Variants in EFHC2 observed in about 807,000 individuals in gnomAD.
The protein encoded by EFHC2 is EF-hand domain-containing family member C2.
EFHC2 carries 18 observed loss-of-function variants against 52.7 expected under a neutral mutation model. That is an observed-to-expected ratio of 0.34 (90% CI 0.24 to 0.51). The LOEUF (loss-of-function observed/expected upper bound fraction) is 0.51, where lower values mean the gene tolerates loss of function less well. EFHC2 is among the 20% of genes least tolerant of loss of function. The probability of loss-of-function intolerance (pLI) is 0.97; values close to 1 mark genes in which losing one functional copy is unlikely to be tolerated. For synonymous variants in EFHC2, 203 were observed against 204.1 expected, an observed-to-expected ratio of 0.99 and a Z score of 0.04; for missense variants, 513 against 562.5, an observed-to-expected ratio of 0.91 and a Z score of 0.89.
At chrX:44,148,942 G>A in intron 14 of EFHC2, 46 bp from the exon 15 acceptor site, 3 of 1,062,809 alleles carry the variant, frequency 2.8e-6, no homozygotes, top group Non-Finnish European at 2.5e-6. Context: ...ACATTTCAAA[G>A]TACAGTTTTG....
chrX:44,285,254 A>G (rs1055911706), intron 2 of EFHC2: 1 of 112,004 alleles, frequency 8.9e-6, no homozygotes, highest in Non-Finnish European at 1.9e-5. Context: ...CTCCGAAAAC[A>G]CATCCAGAGA....
At chrX:44,335,502 A>T (rs748046672) in intron 1 of EFHC2, among the ~76,000 whole-genome samples, 2 of 111,919 alleles carry the variant, frequency 1.8e-5, no homozygotes, top group Admixed American at 1.9e-4. Flanking sequence ...CAGTAATTTG[A>T]CTATACATTC....
intron 1 of EFHC2, among the ~76,000 whole-genome samples, chrX:44,316,557 A>G (rs944265238): frequency 3.6e-5 from 4 of 110,232 alleles, no homozygotes; most frequent in African/African-American, 6.7e-5. Flanking sequence ...GAGTGAAAAA[A>G]TCCATAGAAT....
At chrX:44,168,743 G>A (rs916516727) in intron 13 of EFHC2, among the ~76,000 whole-genome samples, 1 of 109,785 alleles carries the variant, frequency 9.1e-6, no homozygotes, top group African/African-American at 3.3e-5. Flanking sequence ...AATACCAGTG[G>A]CCATGCGTAA....
At chrX:44,271,164 A>C (rs1368069984) in intron 3 of EFHC2, among the ~76,000 whole-genome samples, 1 of 111,591 alleles carries the variant, frequency 9.0e-6, no homozygotes, top group East Asian at 2.8e-4. Context: ...CTGCATGTAC[A>C]ATTCTCAAAG....
chrX:44,307,827 G>A (rs1257440967), intron 2 of EFHC2, among the ~76,000 whole-genome samples: 2 of 110,259 alleles, frequency 1.8e-5, no homozygotes, highest in Non-Finnish European at 3.8e-5. Flanking sequence ...CCAGCTACTC[G>A]GGAGGCTGAG....
intron 11 of EFHC2, among the ~76,000 whole-genome samples, chrX:44,195,124 A>G (rs1401444292): frequency 1.8e-5 from 2 of 111,799 alleles, no homozygotes; most frequent in Non-Finnish European, 3.8e-5. Flanking sequence ...AAGGGGCACA[A>G]TTTTCCTGCT....
chrX:44,168,047 T>C (rs1037891863), intron 13 of EFHC2, among the ~76,000 whole-genome samples: 7 of 110,940 alleles, frequency 6.3e-5, no homozygotes, highest in East Asian at 2.8e-4. Context: ...AAACAGAGGA[T>C]TGGTAACTAA....
intron 2 of EFHC2, among the ~76,000 whole-genome samples, chrX:44,302,979 G>A (rs767507773): frequency 4.5e-5 from 5 of 111,507 alleles, no homozygotes; most frequent in East Asian, 5.6e-4. Flanking sequence ...CTGTATTTAC[G>A]TATTGTTCTT....
At chrX:44,237,963 A>G (rs923833564) in intron 8 of EFHC2, among the ~76,000 whole-genome samples, 1 of 111,543 alleles carries the variant, frequency 9.0e-6, no homozygotes, top group Non-Finnish European at 1.9e-5. Context: ...ATGGCTTTAA[A>G]TACCATCTAC....
intron 13 of EFHC2, among the ~76,000 whole-genome samples, chrX:44,175,284 G>A (rs1056271515): frequency 8.9e-6 from 1 of 111,989 alleles, no homozygotes; most frequent in Non-Finnish European, 1.9e-5. Flanking sequence ...GACACTGGTG[G>A]ATGAAAGACC....
At chrX:44,305,915 C>T (rs189118490) in intron 2 of EFHC2, among the ~76,000 whole-genome samples, 2 of 111,616 alleles carry the variant, frequency 1.8e-5, no homozygotes, top group African/African-American at 6.5e-5. Context: ...TTTCAGTTGC[C>T]GTGGACCCCA....
rs1195374096 is a variant in EFHC2, at chrX:44,148,531, GA to G, written c.*263del. On this transcript the variant is annotated 3_prime_UTR_variant, in exon 15 of 15. Coordinates refer to ENST00000420999, the MANE Select transcript of EFHC2 (RefSeq NM_025184.4). ...TATGTTGGATCAAAAATTATCAGAA[GA>G]TTTTTTGGTATTAATAAACCATACA... is the stretch of plus-strand genomic sequence containing the variant. 1.2e-5 allele frequency: 3 copies of G among 250,066 alleles called. No homozygotes were observed. Among genetic ancestry groups the G allele is most frequent in the African/African-American group, 8.8e-5 (3 of 34,213 alleles). The allele number at this position is 250,066 out of a possible 1,213,427, so 20.6% of individuals were successfully genotyped here.
Position 44,214,256 on chromosome X carries a change from A to G in EFHC2, c.1751+15393T>C, listed in dbSNP as rs1248451217. On this transcript the variant is annotated intron_variant, in intron 11 of 14. Coordinates refer to ENST00000420999, the MANE Select transcript of EFHC2 (RefSeq NM_025184.4). ...AAACTCAGAGAACAACAGACACGAT[A>G]AATGCCGAAAACAAAACAAACCAAA... Among the ~76,000 whole-genome samples, 3 of 112,339 alleles carry G rather than the reference A, an allele frequency of 2.7e-5. No individual in the cohort carries two copies. The Admixed American group carries it at 2.8e-4, about 11-fold the overall frequency.
chrX:44,208,283 C>T (rs2037064285), intron 11 of EFHC2, among the ~76,000 whole-genome samples: 1 of 111,984 alleles, frequency 8.9e-6, no homozygotes, highest in African/African-American at 3.3e-5. Flanking sequence ...GGTACATATA[C>T]ACCATGGAAT....
At chrX:44,283,487 GA>G (rs1204117247) in intron 2 of EFHC2, among the ~76,000 whole-genome samples, 3 of 110,210 alleles carry the variant, frequency 2.7e-5, no homozygotes, top group Non-Finnish European at 5.7e-5. Context: ...CGGCCGATCG[GA>G]AGCACTTTGA....
chrX:44,224,125 T>C (rs776371961), intron 11 of EFHC2, among the ~76,000 whole-genome samples: 9 of 112,029 alleles, frequency 8.0e-5, no homozygotes, highest in Admixed American at 2.8e-4. Context: ...GCCTACAAGT[T>C]TTTAGAGTTT....
At chrX:44,200,180 G>C (rs2036996055) in intron 11 of EFHC2, among the ~76,000 whole-genome samples, 1 of 111,802 alleles carries the variant, frequency 8.9e-6, no homozygotes, top group Non-Finnish European at 1.9e-5. Flanking sequence ...TTTTCTGTAA[G>C]TCTACAATTA....
intron 1 of EFHC2, among the ~76,000 whole-genome samples, chrX:44,332,915 C>G (rs1357731200): frequency 8.9e-6 from 1 of 112,035 alleles, no homozygotes; most frequent in Non-Finnish European, 1.9e-5. Flanking sequence ...CTTTCTTCAT[C>G]CTTTATATTC....
Sources: gnomAD v4.1 joint callset for allele counts (sites outside exome capture counted in the v4.1 genomes callset) on GRCh38, gnomAD v4.1.1 for gene constraint, MANE v1.5 for transcripts, NCBI Gene and HGNC (gene_info 2026-07-23, HGNC 2026-07-21) for gene names.